MYO7B: variants seen among roughly 807,000 people sequenced by gnomAD.
MYO7B encodes the protein myosin VIIB.
MYO7B carries 212 observed loss-of-function variants against 259.7 expected under a neutral mutation model. The ratio of observed to expected loss-of-function variants is 0.82; its 90% CI spans 0.73 to 0.91. The LOEUF (loss-of-function observed/expected upper bound fraction) is 0.91, where lower values mean the gene tolerates loss of function less well. Ranked by LOEUF, MYO7B falls within the 40% of genes least tolerant of loss-of-function variation. MYO7B has a pLI of 0.00. For missense variants in MYO7B, 2,732 were observed against 2,813.5 expected, an observed-to-expected ratio of 0.97 and a Z score of 0.66; for synonymous variants, 1,197 against 1,166.4, an observed-to-expected ratio of 1.03 and a Z score of -0.54.
intron 35 of MYO7B, 47 bp downstream of exon 35, chr2:127,629,873 G>T (rs1225599914): frequency 1.3e-6 from 2 of 1,512,356 alleles, no homozygotes. Flanking sequence ...CCGAGGTCAG[G>T]GTGGAGCAGT....
chr2:127,607,035 C>T lies in MYO7B; in HGVS notation c.2425-171C>T, dbSNP rs985549403. Among the ~76,000 whole-genome samples the T allele has an allele frequency of 6.6e-6, 1 of 152,270 alleles. No individual in the cohort carries two copies. The highest frequency in any genetic ancestry group is 6.5e-5 in the Admixed American group (1 of 15,290). ...CGCTCTGGCCTAAGTACTTTGTAAG[C>T]AATAACTCACTATTCTTGTGTTCAT... is the stretch of plus-strand genomic sequence containing the variant. On this transcript the variant is annotated intron_variant, in intron 20 of 47. Transcript: ENST00000409816. The surrounding 1 kb of genome is among the most constrained non-coding windows in gnomAD (Gnocchi z 4.4).
At position 127,636,518 on chromosome 2, in the gene MYO7B, T is replaced by C. The variant is rs1681820551; in HGVS notation, c.6124-27T>C. On this transcript the variant is annotated intron_variant, in intron 45 of 47. Coordinates refer to ENST00000409816, the MANE Select transcript of MYO7B (RefSeq NM_001393586.1). This position sits in a 1 kb window ranked among gnomAD's most constrained non-coding sequence, Gnocchi z 4.5. ...TGCAGCCTGGCCTCCCGGGCTGGAC[T>C]ATGACCGCCGTGTCCCTCCCTCCCA... 3.1e-6 allele frequency: 5 copies of C among 1,596,736 alleles called. No individual in the cohort carries two copies. Among genetic ancestry groups the C allele is most frequent in the Non-Finnish European group, 4.3e-6 (5 of 1,171,374 alleles).
chr2:127,543,964 C>T (rs1693114386), intron 1 of MYO7B, among the ~76,000 whole-genome samples: 1 of 152,056 alleles, frequency 6.6e-6, no homozygotes, highest in East Asian at 1.9e-4. Context: ...CCAGGATGGT[C>T]TGGATCTCCT....
chr2:127,571,476 T>C (rs1295968539), intron 6 of MYO7B, among the ~76,000 whole-genome samples: 6 of 139,844 alleles, frequency 4.3e-5, no homozygotes, highest in African/African-American at 1.1e-4. Context: ...TTGTTTTTTG[T>C]TTGTTTGTTT....
chr2:127,608,500 C>G (rs1376387240), intron 21 of MYO7B, among the ~76,000 whole-genome samples: 2 of 152,248 alleles, frequency 1.3e-5, no homozygotes, highest in African/African-American at 4.8e-5. Context: ...CTGATTATCA[C>G]TGGGAAAGGG....
Position 127,631,269 on chromosome 2 carries a change from G to A in MYO7B, c.5001G>A (p.Leu1667=). The A allele has an allele frequency of 3.1e-6, 5 of 1,612,036 alleles. No individual in the cohort carries two copies. The highest frequency in any genetic ancestry group is 4.2e-6 in the Non-Finnish European group (5 of 1,179,360). ...VLPLARARGH[L]WAYSCEPLRQ... is the part of the protein sequence containing the mutation. The stretch of plus-strand genomic sequence containing the variant: ...CCCTGGCCCGTGCCCGTGGCCACCT[G>A]TGGGCCTATTCCTGCGAGCCGCTGC... Residue 1667 remains leucine, a synonymous_variant, in exon 37 of 48, where the codon CTG becomes CTA. Transcript: ENST00000409816.
intron 10 of MYO7B, among the ~76,000 whole-genome samples, 182 bp downstream of exon 10, chr2:127,581,004 G>C (rs1383668000): frequency 6.6e-6 from 1 of 152,226 alleles, no homozygotes; most frequent in Non-Finnish European, 1.5e-5. Flanking sequence ...GAGTGGGGCA[G>C]TGCCAAACAG....
In MYO7B at chr2:127,584,897, G is replaced by A. The variant is rs770018327; in HGVS notation, c.1674G>A (p.Val558=). The A allele has an allele frequency of 3.1e-6, 5 of 1,613,926 alleles. No individual in the cohort carries two copies. Among genetic ancestry groups the A allele is most frequent in the Non-Finnish European group, 4.2e-6 (5 of 1,179,884 alleles). Residue 558 remains valine, a synonymous_variant, in exon 14 of 48, where the codon GTG becomes GTA. Transcript: ENST00000409816. This position sits in a 1 kb window ranked among gnomAD's most constrained non-coding sequence, Gnocchi z 5.8. ...RFGIAHFAGE[V]YYQAEGFLEK... is the part of the protein sequence containing the mutation. ...GCATTGCCCATTTTGCCGGCGAGGT[G>A]TACTACCAAGCAGAAGGTGGGTGCA... is the stretch of plus-strand genomic sequence containing the variant.
intron 21 of MYO7B, among the ~76,000 whole-genome samples, chr2:127,608,232 A>T (rs1680232721): frequency 6.6e-6 from 1 of 152,180 alleles, no homozygotes; most frequent in South Asian, 2.1e-4. Context: ...GAGAGAATGC[A>T]CCCATAGACA....
chr2:127,621,855 G>C, intron 27 of MYO7B, 127 bp from the exon 28 acceptor site: 1 of 1,342,878 alleles, frequency 7.4e-7, no homozygotes, highest in Non-Finnish European at 1.0e-6. Context: ...CTTCTAACGG[G>C]TGTGAGGGTG....
At chr2:127,600,702 C>T (rs1679936609) in intron 19 of MYO7B, among the ~76,000 whole-genome samples, 1 of 152,204 alleles carries the variant, frequency 6.6e-6, no homozygotes, top group Admixed American at 6.5e-5. Context: ...AAGAGTAAGA[C>T]TCTGTCTCAA....
intron 28 of MYO7B, 22 bp from the exon 29 acceptor site, chr2:127,623,180 A>G: frequency 6.2e-7 from 1 of 1,612,522 alleles, no homozygotes; most frequent in Admixed American, 1.7e-5. Context: ...AGGCCAGGGA[A>G]CTGAATCTCA....
Position 127,632,294 on chromosome 2 carries a change from C to T in MYO7B, c.5298C>T (p.Leu1766=), listed in dbSNP as rs1329022126. Residue 1766 remains leucine (L), a synonymous_variant, in exon 39 of 48, where the codon CTC becomes CTT. Transcript: ENST00000409816. ...AGCTGCTGTGGCTGTGCACGGGCCT[C>T]TTCCCGCCCAGCAAGGGGCTGCTGC... is the stretch of plus-strand genomic sequence containing the variant. ...GWQLLWLCTG[L]FPPSKGLLPH... is the part of the protein sequence containing the mutation. 1 of 1,611,728 alleles carries T rather than the reference C, an allele frequency of 6.2e-7. No homozygotes were observed.
At chr2:127,594,022 C>T (rs1679671080) in intron 18 of MYO7B, among the ~76,000 whole-genome samples, 1 of 152,086 alleles carries the variant, frequency 6.6e-6, no homozygotes, top group Admixed American at 6.5e-5. Context: ...CACATCCTGC[C>T]ATGCAGGCTT....
chr2:127,631,612 A>C lies in MYO7B; in HGVS notation c.5108A>C (p.Tyr1703Ser). 1 of 1,613,124 alleles carries C rather than the reference A, an allele frequency of 6.2e-7. No individual in the cohort carries two copies. The highest frequency in any genetic ancestry group is 1.1e-5 in the South Asian group (1 of 91,084). ...TTGACAGCCACACCCATCCTCCGGTACATGGGCGACTACCCTTCTCGGCAG... is the reference window on the plus strand; with the variant it reads ...TTGACAGCCACACCCATCCTCCGGTCCATGGGCGACTACCCTTCTCGGCAG... ...ACQIFVAILRYMGDYPSRQAW... is the reference protein window; with the variant it reads ...ACQIFVAILRSMGDYPSRQAW... The change falls in exon 38 of 48, where the codon TAC becomes TCC. Residue 1703 changes from tyrosine (Y) to serine (S), a missense_variant. Physicochemically the swap from Tyr to Ser is moderately radical, Grantham distance 144. Coordinates refer to ENST00000409816, the MANE Select transcript of MYO7B (RefSeq NM_001393586.1).
At position 127,569,923 on chromosome 2, in the gene MYO7B, C is replaced by G. The variant is rs140020289; in HGVS notation, c.592+13C>G. On this transcript the variant is annotated intron_variant, in intron 6 of 47. Transcript: ENST00000409816. ...CCCATCCTGGAGGGTAAGCATCACT[C>G]TGGGACCCGCCCTTCTCCCCCAGCC... The G allele has an allele frequency of 7.7e-4, 1,239 of 1,605,620 alleles. 5 individuals are homozygous for G. Among genetic ancestry groups the G allele is most frequent in the Middle Eastern group, 6.3e-3 (37 of 5,860 alleles).
At position 127,627,300 on chromosome 2, in the gene MYO7B, G is replaced by A. The variant is rs1458859104; in HGVS notation, c.4450G>A (p.Ala1484Thr). ...CTCTTTCCCAGAGGTCATGGGTCTG[G>A]CCACCAACAGGTGCGGGCCCTGAGG... ...ELSFPEVMGL[A>T]TNREAQGGQR... The change falls in exon 33 of 48, where the codon GCC (alanine) becomes ACC (threonine). Residue 1484 changes from alanine to threonine, a missense_variant. Transcript: ENST00000409816. This position sits in a 1 kb window ranked among gnomAD's most constrained non-coding sequence, Gnocchi z 5.6. The A allele has an allele frequency of 6.2e-7, 1 of 1,612,654 alleles. No individual in the cohort carries two copies. Among genetic ancestry groups the A allele is most frequent in the Non-Finnish European group, 8.5e-7 (1 of 1,179,664 alleles).
chr2:127,599,937 G>T (rs1036374732), intron 19 of MYO7B, among the ~76,000 whole-genome samples: 1 of 152,110 alleles, frequency 6.6e-6, no homozygotes, highest in African/African-American at 2.4e-5. Context: ...GGATTTTTGC[G>T]TCTATATTCA....
intron 2 of MYO7B, among the ~76,000 whole-genome samples, chr2:127,562,139 C>G (rs1429724458): frequency 6.6e-6 from 1 of 152,066 alleles, no homozygotes; most frequent in Non-Finnish European, 1.5e-5. Context: ...ACCTTAATTA[C>G]CTCCTTGAAG....
Sources: gnomAD v4.1 joint callset for allele counts (sites outside exome capture counted in the v4.1 genomes callset) on GRCh38, gnomAD v4.1.1 for gene constraint, Gnocchi (gnomAD v3.1) non-coding constraint, MANE v1.5 for transcripts, NCBI Gene and HGNC (gene_info 2026-07-23, HGNC 2026-07-21) for gene names.